ARL17B: variants seen among roughly 807,000 people sequenced by gnomAD.
ARL17B encodes the protein ARF like GTPase 17B, also known as ADP-ribosylation factor-like protein 17.
intron 4 of ARL17B, among the ~76,000 whole-genome samples, chr17:46,277,083 G>T (rs535296945): frequency 6.6e-6 from 1 of 152,342 alleles, no homozygotes; most frequent in South Asian, 2.1e-4. Context: ...GAGATCACAG[G>T]TGTGAGCCAC....
intron 3 of ARL17B, among the ~76,000 whole-genome samples, chr17:46,324,002 A>T (rs62073242): frequency 0.32 from 28,105 of 88,222 alleles, 11,013 homozygotes; most frequent in Non-Finnish European, 0.54. Context: ...GACTTTGGTA[A>T]CTGCAGGGGG....
chr17:46,332,456 A>C (rs1435673521), downstream of ARL17B: 1 of 497,028 alleles, frequency 2.0e-6, no homozygotes, highest in East Asian at 5.5e-5. Context: ...TCTTTCAAAA[A>C]AATAAAAAAG....
intron 4 of ARL17B, among the ~76,000 whole-genome samples, chr17:46,290,236 C>A (rs1182906504): frequency 6.6e-6 from 1 of 152,190 alleles, no homozygotes; most frequent in Non-Finnish European, 1.5e-5. Context: ...GTCAAGCAGT[C>A]CCCTGGCCTC....
chr17:46,285,749 C>G (rs2049891606), intron 4 of ARL17B, among the ~76,000 whole-genome samples: 1 of 152,136 alleles, frequency 6.6e-6, no homozygotes. Context: ...TTTGTCAAGC[C>G]CTTCACTAGA....
At chr17:46,287,470 T>C (rs2049950879) in intron 4 of ARL17B, among the ~76,000 whole-genome samples, 1 of 152,254 alleles carries the variant, frequency 6.6e-6, no homozygotes, top group Non-Finnish European at 1.5e-5. Context: ...ACAAGGACCA[T>C]GCAGGTCAGC....
chr17:46,292,250 T>A lies in ARL17B; in HGVS notation c.*21+7276A>T, dbSNP rs549101805. Among the ~76,000 whole-genome samples, 6 of 75,718 alleles carry A rather than the reference T, an allele frequency of 7.9e-5. 1 individual carries two copies. The highest frequency in any genetic ancestry group is 1.3e-4 in the African/African-American group (4 of 29,708). 49.7% of individuals were successfully genotyped at this position (75,718 alleles called of 152,430 possible). A position where few individuals can be genotyped will look rare whatever the true frequency, so the allele number is the denominator to read the frequency against. On this transcript the variant is annotated intron_variant, in intron 4 of 4. Transcript: ENST00000570618. ...GGGAAACTGAGGCATGAAAACCACT[T>A]GAACCCAGGAGGCGGAGGTTGCAGT...
chr17:46,284,202 C>T (rs998018578), intron 4 of ARL17B, among the ~76,000 whole-genome samples: 2 of 152,240 alleles, frequency 1.3e-5, no homozygotes, highest in African/African-American at 4.8e-5. Flanking sequence ...CTTTCCCTTC[C>T]CACGAGGCCA....
intron 4 of ARL17B, among the ~76,000 whole-genome samples, chr17:46,280,533 A>G (rs1306759975): frequency 6.6e-6 from 1 of 151,798 alleles, no homozygotes; most frequent in Non-Finnish European, 1.5e-5. Flanking sequence ...TATTATTAAA[A>G]AGAAAAAAAT....
intron 4 of ARL17B, among the ~76,000 whole-genome samples, chr17:46,286,898 CCTT>C (rs1361935982): frequency 6.6e-6 from 1 of 152,224 alleles, no homozygotes; most frequent in Non-Finnish European, 1.5e-5. Context: ...TTCTTAGCCT[CCTT>C]TTCTGCGATG....
chr17:46,299,845 A>G (rs879142365), intron 3 of ARL17B: 1 of 20,448 alleles, frequency 4.9e-5, no homozygotes, highest in African/African-American at 3.1e-4. Context: ...TATGGAAAGC[A>G]TACAGTTGGA....
rs1288268179 is a variant in ARL17B, at chr17:46,304,510, T to C, written c.260-4845A>G. Among the ~76,000 whole-genome samples the C allele has an allele frequency of 2.9e-5, 2 of 69,580 alleles. 1 individual carries two copies. The highest frequency in any genetic ancestry group is 8.6e-5 in the Non-Finnish European group (2 of 23,224). The allele number at this position is 69,580 out of a possible 152,430, so 45.6% of individuals were successfully genotyped here. On this transcript the variant is annotated intron_variant, in intron 3 of 4. Transcript: ENST00000434041. Reference sequence around the variant, plus strand: ...TCTTTGCAAGCCACTTCTGGAGAGTTTATATGATGACTGTGTGCAGGATAG... The same window carrying C: ...TCTTTGCAAGCCACTTCTGGAGAGTCTATATGATGACTGTGTGCAGGATAG...
chr17:46,278,161 G>T lies in ARL17B; in HGVS notation c.*22-2743C>A, dbSNP rs1352848476. Among the ~76,000 whole-genome samples the T allele has an allele frequency of 5.9e-5, 9 of 152,260 alleles. No homozygotes were observed. In the East Asian group the frequency reaches 1.6e-3, roughly 26 times the overall value. ...GGGGTTTCACCATGTTGGCCAGCTG[G>T]TCTCGAACTCCTGACCTCAGATGAT... On this transcript the variant is annotated intron_variant, in intron 4 of 4. Coordinates refer to the ARL17B transcript ENST00000570618.
intron 4 of ARL17B, among the ~76,000 whole-genome samples, chr17:46,283,758 C>T (rs2049832736): frequency 6.6e-6 from 1 of 152,142 alleles, no homozygotes; most frequent in South Asian, 2.1e-4. Context: ...ATGGAGGATG[C>T]TGCCGGCCTC....
chr17:46,275,654 T>C (rs1598057749), intron 4 of ARL17B, among the ~76,000 whole-genome samples: 1 of 152,358 alleles, frequency 6.6e-6, no homozygotes, highest in South Asian at 2.1e-4. Context: ...TATGTATGTA[T>C]ATATATTTGT....
chr17:46,284,635 T>C (rs886547165), intron 4 of ARL17B, among the ~76,000 whole-genome samples: 3 of 152,226 alleles, frequency 2.0e-5, no homozygotes, highest in African/African-American at 7.2e-5. Context: ...TTCTGGGCCC[T>C]ACATGATGAG....
intron 4 of ARL17B, among the ~76,000 whole-genome samples, chr17:46,279,872 G>A (rs1454920712): frequency 6.6e-6 from 1 of 152,050 alleles, no homozygotes; most frequent in Non-Finnish European, 1.5e-5. Context: ...ACATTCTTTG[G>A]CTTAATCATA....
At chr17:46,280,350 T>C (rs2049727952) in intron 4 of ARL17B, among the ~76,000 whole-genome samples, 1 of 151,320 alleles carries the variant, frequency 6.6e-6, no homozygotes, top group Non-Finnish European at 1.5e-5. Context: ...GGCAACAGAG[T>C]GAGACTCTGT....
intron 4 of ARL17B, among the ~76,000 whole-genome samples, chr17:46,289,635 C>T (rs2732604): frequency 0.1 from 14,939 of 145,508 alleles, no homozygotes; most frequent in Non-Finnish European, 0.16. Flanking sequence ...CCACTGTGCC[C>T]AGCCAAAATC....
intron 4 of ARL17B, among the ~76,000 whole-genome samples, chr17:46,281,229 C>T (rs1305447913): frequency 6.6e-6 from 1 of 152,024 alleles, no homozygotes; most frequent in Non-Finnish European, 1.5e-5. Context: ...CCTTGCTCCC[C>T]CCACCCCTCA....
Sources: allele counts gnomAD v4.1 joint callset (sites outside exome capture counted in the v4.1 genomes callset), GRCh38; gene constraint gnomAD v4.1.1; transcripts MANE v1.5; gene names NCBI Gene and HGNC (gene_info 2026-07-23, HGNC 2026-07-21).